GPC6: variants seen among roughly 807,000 people sequenced by gnomAD.
GPC6 encodes the protein glypican-6.
A neutral mutation model predicts 55.2 loss-of-function variants in GPC6; 14 were observed. The ratio of observed to expected loss-of-function variants is 0.25; its 90% CI spans 0.17 to 0.40. The LOEUF is 0.40. Among genes scored for constraint, GPC6 ranks in the 10% least tolerant of loss-of-function variants. GPC6 has a pLI of 1.00. For missense variants in GPC6, 641 were observed against 708.5 expected (o/e 0.90, Z 1.08); for synonymous variants, 278 against 259.6 (o/e 1.07, Z -0.68).
intron 1 of GPC6, chr13:93,394,934 CA>C (rs1310788460): frequency 5.3e-6 from 1 of 190,032 alleles, no homozygotes; most frequent in Non-Finnish European, 1.1e-5. Flanking sequence ...TACACTTTTC[CA>C]AAGAACACAA....
chr13:93,826,555 T>C (rs1887261401), intron 2 of GPC6, among the ~76,000 whole-genome samples: 1 of 152,210 alleles, frequency 6.6e-6, no homozygotes, highest in Non-Finnish European at 1.5e-5. Flanking sequence ...TATATAGTAC[T>C]TAATCCAATC....
intron 8 of GPC6, among the ~76,000 whole-genome samples, chr13:94,399,918 G>T (rs1372007381): frequency 1.3e-5 from 2 of 152,144 alleles, no homozygotes; most frequent in Admixed American, 6.5e-5. Context: ...TTTATCCATT[G>T]TCTTCTGTAT....
chr13:94,224,516 T>A (rs1208497431), intron 4 of GPC6, among the ~76,000 whole-genome samples: 1 of 151,836 alleles, frequency 6.6e-6, no homozygotes, highest in East Asian at 1.9e-4. Context: ...CTTTAAAGAT[T>A]ATTTAAGATT....
chr13:93,659,160 A>G (rs1258072410), intron 2 of GPC6, among the ~76,000 whole-genome samples: 1 of 151,890 alleles, frequency 6.6e-6, no homozygotes, highest in East Asian at 1.9e-4. Flanking sequence ...ATTAATCATG[A>G]TAGCCCATTA....
intron 2 of GPC6, among the ~76,000 whole-genome samples, chr13:93,578,753 G>A (rs1219337040): frequency 6.7e-6 from 1 of 149,828 alleles, no homozygotes; most frequent in Non-Finnish European, 1.5e-5. Flanking sequence ...TTGCTTTAAT[G>A]GGTTCCTTGA....
intron 2 of GPC6, among the ~76,000 whole-genome samples, chr13:93,768,775 A>T (rs1254566044): frequency 6.6e-6 from 1 of 152,134 alleles, no homozygotes; most frequent in Non-Finnish European, 1.5e-5. Context: ...TTTTATATCC[A>T]TTCTTAATTA....
At chr13:94,335,250 T>C (rs1877621066) in intron 6 of GPC6, among the ~76,000 whole-genome samples, 2 of 152,182 alleles carry the variant, frequency 1.3e-5, no homozygotes, top group African/African-American at 4.8e-5. Context: ...GATACTACCA[T>C]ATGAAAGCAG....
chr13:94,270,835 A>G (rs1229546652), intron 4 of GPC6, among the ~76,000 whole-genome samples: 2 of 152,146 alleles, frequency 1.3e-5, no homozygotes, highest in African/African-American at 2.4e-5. Flanking sequence ...GAGTCCGAAC[A>G]CTAAGAGAAG....
intron 1 of GPC6, among the ~76,000 whole-genome samples, chr13:93,476,481 G>A (rs150546072): frequency 1.3e-3 from 202 of 152,150 alleles, no homozygotes; most frequent in African/African-American, 4.8e-3. Context: ...ATCCAACTGC[G>A]GGGTTCTGCA....
At chr13:93,632,172 T>C (rs924298958) in intron 2 of GPC6, among the ~76,000 whole-genome samples, 1 of 152,174 alleles carries the variant, frequency 6.6e-6, no homozygotes, top group Non-Finnish European at 1.5e-5. Flanking sequence ...TCTAGAGATG[T>C]CAACTTAGAA....
At chr13:94,246,786 G>C (rs931279303) in intron 4 of GPC6, among the ~76,000 whole-genome samples, 1 of 152,028 alleles carries the variant, frequency 6.6e-6, no homozygotes, top group Non-Finnish European at 1.5e-5. Context: ...TTAAAATCAG[G>C]AGGAAGTGTG....
At chr13:93,477,796 C>T (rs1348449762) in intron 1 of GPC6, among the ~76,000 whole-genome samples, 1 of 152,116 alleles carries the variant, frequency 6.6e-6, no homozygotes, top group Non-Finnish European at 1.5e-5. Context: ...TTGAGAGTTC[C>T]TTTAATTACT....
chr13:94,187,953 C>G (rs1889259033), intron 4 of GPC6: 1 of 152,158 alleles, frequency 6.6e-6, no homozygotes, highest in Non-Finnish European at 1.5e-5. Context: ...TTATGGGGTA[C>G]ATTATCTCTG....
intron 4 of GPC6, among the ~76,000 whole-genome samples, chr13:94,109,980 G>C (rs1886183154): frequency 6.9e-6 from 1 of 145,210 alleles, no homozygotes; most frequent in Admixed American, 7.1e-5. Flanking sequence ...AGCTTCAGTT[G>C]TAACATAATG....
chr13:94,184,251 T>C (rs1172430959), intron 4 of GPC6, among the ~76,000 whole-genome samples: 1 of 151,482 alleles, frequency 6.6e-6, no homozygotes, highest in Non-Finnish European at 1.5e-5. Context: ...CCAAAGCAAT[T>C]GCAACAGAAA....
At chr13:93,912,297 G>A (rs573716321) in intron 3 of GPC6, among the ~76,000 whole-genome samples, 1 of 152,136 alleles carries the variant, frequency 6.6e-6, no homozygotes, top group South Asian at 2.1e-4. Flanking sequence ...TTTCTTTCCA[G>A]CTCTAAATAC....
rs1224997275 is a variant in GPC6, at chr13:94,405,501, T to G, written c.*2284T>G. On this transcript the variant is annotated 3_prime_UTR_variant, in exon 9 of 9. Transcript: ENST00000377047. ...TGCTTTTATGGCTTTAAACTCCAGG[T>G]CTTTCCTTTTTAAAATATTTCTGCA... The G allele has an allele frequency of 5.3e-5, 8 of 152,218 alleles. No homozygotes were observed. 9.4% of individuals were successfully genotyped at this position (152,218 alleles called of 1,614,324 possible).
intron 4 of GPC6, among the ~76,000 whole-genome samples, chr13:94,202,762 A>C (rs1045990593): frequency 2.0e-5 from 3 of 152,186 alleles, no homozygotes; most frequent in African/African-American, 7.2e-5. Flanking sequence ...ACATCTGTTC[A>C]GAATGGCCCC....
chr13:94,063,549 T>C (rs552174891), intron 4 of GPC6, among the ~76,000 whole-genome samples: 1 of 152,300 alleles, frequency 6.6e-6, no homozygotes, highest in African/African-American at 2.4e-5. Flanking sequence ...TTTTGTTTGT[T>C]TGTATTTTTG....
Sources: allele counts gnomAD v4.1 joint callset (sites outside exome capture counted in the v4.1 genomes callset), GRCh38; gene constraint gnomAD v4.1.1; transcripts MANE v1.5; gene names NCBI Gene and HGNC (gene_info 2026-07-23, HGNC 2026-07-21).